The following USP15 variants were observed in gnomAD, a reference collection of about 807,000 sequenced individuals.
The protein encoded by USP15 is ubiquitin specific peptidase 15.
A neutral mutation model predicts 127.1 loss-of-function variants in USP15; 18 were observed. The observed-to-expected ratio is 0.14, with a 90% CI of 0.10 to 0.21. The LOEUF (loss-of-function observed/expected upper bound fraction) is 0.21. Ranked by LOEUF, USP15 falls within the 10% of genes least tolerant of loss-of-function variation. The probability of loss-of-function intolerance (pLI) is 1.00; values close to 1 mark genes in which losing one functional copy is unlikely to be tolerated. For missense variants in USP15, 805 were observed against 1,159.9 expected (o/e 0.69, Z 4.44); for synonymous variants, 364 against 393.7 (o/e 0.92, Z 0.89).
chr12:62,345,985 G>A (rs1467554587), intron 6 of USP15, among the ~76,000 whole-genome samples: 1 of 152,194 alleles, frequency 6.6e-6, no homozygotes, highest in Non-Finnish European at 1.5e-5. Context: ...TACAAGATGA[G>A]ATTTGGGTGG....
At position 62,404,402 on chromosome 12, in the gene USP15, A is replaced by T; in HGVS notation, c.*27A>T. Reference sequence around the variant, plus strand: ...GAAAGTCCTAGAAGCCATAAAAGAGACACTTTCCTGCTGGTGGTATCTATG... The same window carrying T: ...GAAAGTCCTAGAAGCCATAAAAGAGTCACTTTCCTGCTGGTGGTATCTATG... On this transcript the variant is annotated 3_prime_UTR_variant, in exon 22 of 22. Transcript: ENST00000280377. 1 of 1,540,946 alleles carries T rather than the reference A, an allele frequency of 6.5e-7. No individual in the cohort carries two copies. Among genetic ancestry groups the T allele is most frequent in the Non-Finnish European group, 8.8e-7 (1 of 1,141,138 alleles).
chr12:62,314,761 C>G, intron 3 of USP15, 29 bp from the exon 4 acceptor site: 1 of 1,505,854 alleles, frequency 6.6e-7, no homozygotes, highest in Admixed American at 2.1e-5. Flanking sequence ...ATATAGGTGA[C>G]ACTGATTTGT....
At chr12:62,304,261 G>GA (rs1339801261) in intron 3 of USP15, among the ~76,000 whole-genome samples, 5 of 152,116 alleles carry the variant, frequency 3.3e-5, no homozygotes, top group Admixed American at 2.6e-4. Flanking sequence ...ACAAGTAGAA[G>GA]AAAAAACATT....
chr12:62,389,383 T>G (rs760307241), intron 11 of USP15, 48 bp from the exon 12 acceptor site: 2 of 1,512,508 alleles, frequency 1.3e-6, no homozygotes, highest in Admixed American at 1.9e-5. Flanking sequence ...ATTTACTGAA[T>G]TTTTTTTCCA....
intron 8 of USP15, among the ~76,000 whole-genome samples, chr12:62,375,789 A>T (rs2066809913): frequency 6.6e-6 from 1 of 152,162 alleles, no homozygotes; most frequent in African/African-American, 2.4e-5. Flanking sequence ...TCCCATATAA[A>T]ATATATATGA....
chr12:62,389,760 A>T, intron 13 of USP15, 37 bp from the exon 14 acceptor site: 1 of 1,600,038 alleles, frequency 6.2e-7, no homozygotes, highest in Non-Finnish European at 8.5e-7. Flanking sequence ...AAGTAACATA[A>T]AATTTTGAGA....
intron 11 of USP15, among the ~76,000 whole-genome samples, chr12:62,386,732 C>G (rs1011525268): frequency 6.6e-6 from 1 of 152,056 alleles, no homozygotes; most frequent in African/African-American, 2.4e-5. Flanking sequence ...ATCCTAAAAA[C>G]TAGGGAAGCC....
intron 19 of USP15, among the ~76,000 whole-genome samples, chr12:62,395,422 G>A (rs887405927): frequency 1.3e-5 from 2 of 152,046 alleles, no homozygotes; most frequent in Non-Finnish European, 2.9e-5. Context: ...TACATGAGAT[G>A]TTTTGATGGA....
At chr12:62,277,618 C>A (rs2063530186) in intron 1 of USP15, 1 of 151,888 alleles carries the variant, frequency 6.6e-6, no homozygotes, top group South Asian at 2.1e-4. Context: ...GTTGTCCCAT[C>A]TTTTGGCTTC....
At chr12:62,286,182 T>G (rs2063778733) in intron 1 of USP15, among the ~76,000 whole-genome samples, 1 of 151,938 alleles carries the variant, frequency 6.6e-6, no homozygotes, top group African/African-American at 2.4e-5. Context: ...TATAAGGAAC[T>G]TAATAAGAAA....
At chr12:62,284,695 T>C (rs1487534271) in intron 1 of USP15, among the ~76,000 whole-genome samples, 1 of 152,132 alleles carries the variant, frequency 6.6e-6, no homozygotes, top group Non-Finnish European at 1.5e-5. Flanking sequence ...TTGATTCTGC[T>C]TGTGATTGAA....
Position 62,338,435 on chromosome 12 carries a change from A to T in USP15, c.684-10786A>T, listed in dbSNP as rs558667947. Among the ~76,000 whole-genome samples the T allele has an allele frequency of 3.9e-5, 6 of 151,966 alleles. No homozygotes were observed. The South Asian group carries it at 1.2e-3, about 32-fold the overall frequency. ...CTCCCATTCTGTAGGTTGCCTGTTC[A>T]CTCTGATGATAGTTTCTTTTCCTGT... On this transcript the variant is annotated intron_variant, in intron 6 of 21. Coordinates refer to ENST00000280377, the MANE Select transcript of USP15 (RefSeq NM_001252078.2).
chr12:62,371,754 A>C (rs1192660174), intron 8 of USP15, among the ~76,000 whole-genome samples: 1 of 152,156 alleles, frequency 6.6e-6, no homozygotes, highest in African/African-American at 2.4e-5. Flanking sequence ...AGAAACATGG[A>C]AAATTATCTT....
intron 4 of USP15, among the ~76,000 whole-genome samples, chr12:62,320,387 C>G (rs1448200304): frequency 2.6e-5 from 4 of 152,132 alleles, no homozygotes; most frequent in Non-Finnish European, 5.9e-5. Flanking sequence ...CCTGAGGCCT[C>G]CTAGCCATGC....
At chr12:62,281,296 A>G (rs905997526) in intron 1 of USP15, among the ~76,000 whole-genome samples, 3 of 152,102 alleles carry the variant, frequency 2.0e-5, no homozygotes, top group African/African-American at 7.2e-5. Context: ...TATACCTAAC[A>G]ACACTATACA....
rs985201858 is a variant in USP15, at chr12:62,406,322, G to T, written c.*1947G>T. ...ATTTATTCATTAAACATATGTTTGT[G>T]TACCAATCACTGTTGTAGAGTCTGG... On this transcript the variant is annotated 3_prime_UTR_variant, in exon 22 of 22. Transcript: ENST00000280377. The T allele has an allele frequency of 6.6e-6, 1 of 152,094 alleles. No individual in the cohort carries two copies. Among genetic ancestry groups the T allele is most frequent in the Non-Finnish European group, 1.5e-5 (1 of 68,006 alleles). 9.4% of individuals were successfully genotyped at this position (152,094 alleles called of 1,614,324 possible). A position where few individuals can be genotyped will look rare whatever the true frequency, so the allele number is the denominator to read the frequency against.
intron 6 of USP15, among the ~76,000 whole-genome samples, chr12:62,330,784 G>C (rs1158422995): frequency 7.3e-5 from 11 of 150,768 alleles, no homozygotes; most frequent in African/African-American, 2.4e-4. Context: ...AAATTAGCCA[G>C]TTATGGTGGC....
At chr12:62,396,526 T>C in intron 20 of USP15, 128 bp downstream of exon 20, 1 of 789,164 alleles carries the variant, frequency 1.3e-6, no homozygotes, top group Non-Finnish European at 2.0e-6. Flanking sequence ...TAGTTCAGTA[T>C]TGATTAATGA....
At chr12:62,261,390 T>C (rs1235009703) in intron 1 of USP15, among the ~76,000 whole-genome samples, 1 of 152,204 alleles carries the variant, frequency 6.6e-6, no homozygotes, top group Admixed American at 6.5e-5. Context: ...TAATTTAAAA[T>C]TCCTTATTTT....
Sources: allele counts gnomAD v4.1 joint callset (sites outside exome capture counted in the v4.1 genomes callset), GRCh38; gene constraint gnomAD v4.1.1; transcripts MANE v1.5; gene names NCBI Gene and HGNC (gene_info 2026-07-23, HGNC 2026-07-21).